Variants in NTRK1 observed in about 807,000 individuals in gnomAD.
The protein encoded by NTRK1 is neurotrophic receptor tyrosine kinase 1, also known as high affinity nerve growth factor receptor.
NTRK1 carries 62 observed loss-of-function variants against 86.8 expected under a neutral mutation model. The observed-to-expected ratio is 0.71, with a 90% confidence interval of 0.58 to 0.88. The LOEUF (loss-of-function observed/expected upper bound fraction) is 0.88, where lower values mean the gene tolerates loss of function less well. Among genes scored for constraint, NTRK1 ranks in the 40% least tolerant of loss-of-function variants. The probability of loss-of-function intolerance (pLI) is 0.00; values close to 1 mark genes in which losing one functional copy is unlikely to be tolerated. For missense variants in NTRK1, 967 were observed against 1,078.4 expected (o/e 0.90, Z 1.45); for synonymous variants, 469 against 456.6 (o/e 1.03, Z -0.35).
At chr1:156,867,684 T>C (rs1571688823) in intron 4 of NTRK1, among the ~76,000 whole-genome samples, 1 of 149,464 alleles carries the variant, frequency 6.7e-6, no homozygotes, top group African/African-American at 2.5e-5. Context: ...TTTTTTTTTT[T>C]ATGAGACGGA....
At chr1:156,848,655 A>T (rs1301824079) in intron 2 of NTRK1, among the ~76,000 whole-genome samples, 1 of 152,164 alleles carries the variant, frequency 6.6e-6, no homozygotes, top group Non-Finnish European at 1.5e-5. Flanking sequence ...TTAATGATCC[A>T]AGCCTTCCCA....
chr1:156,853,572 A>T (rs955219272), intron 2 of NTRK1, among the ~76,000 whole-genome samples: 3 of 152,146 alleles, frequency 2.0e-5, no homozygotes, highest in Admixed American at 2.0e-4. Flanking sequence ...TAGCTGTCTT[A>T]TGCCACATTG....
At chr1:156,853,815 C>T in intron 2 of NTRK1, 2 of 1,613,356 alleles carry the variant, frequency 1.2e-6, no homozygotes, top group Non-Finnish European at 1.7e-6. Flanking sequence ...GTGGTCTTGG[C>T]ACAGGGCTCA....
chr1:156,873,506 C>T (rs943263029), intron 7 of NTRK1, 127 bp from the exon 8 acceptor site: 25 of 732,428 alleles, frequency 3.4e-5, no homozygotes, highest in Non-Finnish European at 5.5e-5. Flanking sequence ...GGCCTGCTGA[C>T]CTGTTTCTCC....
intron 1 of NTRK1, among the ~76,000 whole-genome samples, chr1:156,839,774 G>C (rs1558081764): frequency 6.6e-6 from 1 of 152,196 alleles, no homozygotes; most frequent in African/African-American, 2.4e-5. Flanking sequence ...AAATTAAGAT[G>C]AGGTGTCCGG....
At chr1:156,833,914 T>G (rs563259180) in intron 1 of NTRK1, among the ~76,000 whole-genome samples, 36 of 152,340 alleles carry the variant, frequency 2.4e-4, no homozygotes, top group African/African-American at 7.7e-4. Flanking sequence ...TTTCTTGCAT[T>G]TTTAGATTCT....
chr1:156,839,551 G>A (rs1654699985), intron 1 of NTRK1, among the ~76,000 whole-genome samples: 1 of 152,228 alleles, frequency 6.6e-6, no homozygotes, highest in African/African-American at 2.4e-5. Context: ...GATGAACACT[G>A]AGATTCTGGC....
At chr1:156,816,823 G>A (rs967030860) in intron 1 of NTRK1, 2 of 991,634 alleles carry the variant, frequency 2.0e-6, no homozygotes, top group Non-Finnish European at 2.9e-6. Flanking sequence ...GGCAGGAAAT[G>A]TCGCCTTACC....
chr1:156,854,392 G>A lies in NTRK1; in HGVS notation c.51-9962G>A. 1 of 1,312,144 alleles carries A rather than the reference G, an allele frequency of 7.6e-7. No individual in the cohort carries two copies. 81.3% of individuals were successfully genotyped at this position (1,312,144 alleles called of 1,614,324 possible). ...GCAGCTTTGGAGGGGAGCCACACTG[G>A]CAGTAGGACAATGAGTGAGGAGCCG... On this transcript the variant is annotated intron_variant, in intron 2 of 16. Transcript: ENST00000392302. The surrounding 1 kb of genome is among the most constrained non-coding windows in gnomAD (Gnocchi z 4.2).
intron 2 of NTRK1, chr1:156,844,721 G>A (rs1439794683): frequency 3.1e-6 from 5 of 1,614,006 alleles, no homozygotes; most frequent in Non-Finnish European, 4.2e-6. Flanking sequence ...CCCAAGCGGC[G>A]GTACTTGATT....
rs775590138 is a variant in NTRK1 at position 156,876,498 on chromosome 1, C to T, written c.1731C>T (p.Gly577=). 9.3e-6 allele frequency: 15 copies of T among 1,613,646 alleles called. No individual in the cohort carries two copies. The highest frequency in any genetic ancestry group is 6.7e-5 in the Admixed American group (4 of 60,004). ...LQHQHIVRFF[G]VCTEGRPLLM... ...ACCAGCACATCGTGCGCTTCTTCGGCGTCTGCACCGAGGGCCGCCCCCTGC... is the reference window on the plus strand; with the variant it reads ...ACCAGCACATCGTGCGCTTCTTCGGTGTCTGCACCGAGGGCCGCCCCCTGC... The change falls in exon 14 of 17, where the codon GGC becomes GGT. Residue 577 remains glycine (G), a synonymous_variant. Coordinates refer to ENST00000524377, the MANE Select transcript of NTRK1 (RefSeq NM_002529.4).
intron 2 of NTRK1, among the ~76,000 whole-genome samples, chr1:156,853,028 G>A (rs1348641607): frequency 2.0e-5 from 3 of 152,074 alleles, no homozygotes; most frequent in Non-Finnish European, 1.5e-5. Context: ...TTCCTATAAC[G>A]TTTTGCTTAC....
chr1:156,816,765 T>C, intron 1 of NTRK1: 3 of 1,487,454 alleles, frequency 2.0e-6, no homozygotes, highest in Non-Finnish European at 2.7e-6. Context: ...TCCGGAAAGG[T>C]GTGCACACTC....
intron 2 of NTRK1, chr1:156,849,314 A>C: frequency 1.2e-6 from 2 of 1,613,386 alleles, no homozygotes; most frequent in Non-Finnish European, 1.7e-6. Context: ...CGTGCCTGTC[A>C]CCTCCTCCAG....
At chr1:156,861,352 A>T (rs1655644976) in intron 1 of NTRK1, among the ~76,000 whole-genome samples, 1 of 151,260 alleles carries the variant, frequency 6.6e-6, no homozygotes, top group Non-Finnish European at 1.5e-5. Flanking sequence ...GATGTCCCCT[A>T]GTGTTCAGGG....
At position 156,881,547 on chromosome 1, in the gene NTRK1, C is replaced by T. The variant is rs760974854; in HGVS notation, c.2296C>T (p.Arg766Trp). 1.7e-5 allele frequency: 27 copies of T among 1,607,798 alleles called. No individual in the cohort carries two copies. Among genetic ancestry groups the T allele is most frequent in the East Asian group, 2.2e-5 (1 of 44,612 alleles). The change falls in exon 17 of 17, where the codon CGG becomes TGG. Residue 766 changes from arginine (R) to tryptophan (W), a missense_variant. By Grantham distance (101) the Arg-to-Trp change is moderately radical. Transcript: ENST00000524377. The part of the protein sequence containing the change: ...VYAIMRGCWQ[R>W]EPQQRHSIKD... ...CGCCATCATGCGGGGCTGCTGGCAG[C>T]GGGAGCCCCAGCAACGCCACAGCAT...
At chr1:156,864,573 G>T in intron 2 of NTRK1, 145 bp downstream of exon 2, 1 of 1,126,872 alleles carries the variant, frequency 8.9e-7, no homozygotes, top group East Asian at 2.5e-5. Context: ...GAAGCTCAGG[G>T]CTTTGAGGGG....
chr1:156,826,199 T>C (rs563976288), intron 1 of NTRK1, among the ~76,000 whole-genome samples: 1 of 152,104 alleles, frequency 6.6e-6, no homozygotes, highest in South Asian at 2.1e-4. Context: ...GAGCTCTGTA[T>C]GGAATTGCCC....
intron 2 of NTRK1, chr1:156,845,417 G>A (rs779454008): frequency 1.9e-6 from 3 of 1,551,654 alleles, no homozygotes; most frequent in South Asian, 1.2e-5. Context: ...AGGGGATCTG[G>A]GGAGGCCAGG....
Sources: allele counts gnomAD v4.1 joint callset (sites outside exome capture counted in the v4.1 genomes callset), GRCh38; gene constraint gnomAD v4.1.1; non-coding constraint Gnocchi (gnomAD v3.1); transcripts MANE v1.5; gene names NCBI Gene and HGNC (gene_info 2026-07-23, HGNC 2026-07-21).